PPHLN1: variants seen among roughly 807,000 people sequenced by gnomAD.
The protein encoded by PPHLN1 is periphilin 1.
Under a neutral mutation model 51.3 loss-of-function variants are expected in PPHLN1, and 29 were observed. The ratio of observed to expected loss-of-function variants is 0.57; its 90% CI spans 0.42 to 0.77. The LOEUF is 0.77. Among genes scored for constraint, PPHLN1 ranks in the 30% least tolerant of loss-of-function variants. The pLI is 0.00. For synonymous variants in PPHLN1, 147 were observed against 147.8 expected (o/e 0.99, Z 0.04); for missense variants, 436 against 438.4 (o/e 0.99, Z 0.05).
intron 9 of PPHLN1, among the ~76,000 whole-genome samples, chr12:42,430,811 CT>C (rs919859287): frequency 6.6e-6 from 1 of 151,890 alleles, no homozygotes; most frequent in East Asian, 1.9e-4. Flanking sequence ...TGTGTTATCT[CT>C]TTTTTTTGGA....
intron 9 of PPHLN1, among the ~76,000 whole-genome samples, chr12:42,432,557 G>A (rs1796394): frequency 0.61 from 92,294 of 151,924 alleles, 28,197 homozygotes; most frequent in Admixed American, 0.67. Context: ...TACTTTTCCA[G>A]TGAGATTCTT....
In PPHLN1 at chr12:42,417,942, T is replaced by TG. The variant is rs1491408049; in HGVS notation, c.909+18949dup. Among the ~76,000 whole-genome samples, 11 of 49,460 alleles carry TG rather than the reference T, an allele frequency of 2.2e-4. No individual in the cohort carries two copies. In the East Asian group the frequency reaches 5.8e-3, roughly 26 times the overall value. 32.4% of individuals were successfully genotyped at this position (49,460 alleles called of 152,430 possible). A position where few individuals can be genotyped will look rare whatever the true frequency, so the allele number is the denominator to read the frequency against. Reference sequence around the variant, plus strand: ...CTAGTTTTTTTTTTTGTTTTTTTTTTGTTTTTTTTTTTTTTGAGACAGAGT... The same window carrying TG: ...CTAGTTTTTTTTTTTGTTTTTTTTTTGGTTTTTTTTTTTTTTGAGACAGAGT... On this transcript the variant is annotated intron_variant, in intron 9 of 9. Transcript: ENST00000358314.
intron 5 of PPHLN1, among the ~76,000 whole-genome samples, chr12:42,375,464 A>G (rs1280485998): frequency 6.6e-6 from 1 of 151,852 alleles, no homozygotes; most frequent in Non-Finnish European, 1.5e-5. Context: ...GGTGTGCACC[A>G]CCATGCCCGG....
At chr12:42,388,797 C>T (rs1244950392) in intron 7 of PPHLN1, among the ~76,000 whole-genome samples, 1 of 152,146 alleles carries the variant, frequency 6.6e-6, no homozygotes, top group Non-Finnish European at 1.5e-5. Flanking sequence ...TAAAAATTAG[C>T]CAGATGTGGT....
intron 5 of PPHLN1, 91 bp downstream of exon 5, chr12:42,375,165 AT>A: frequency 1.9e-6 from 2 of 1,059,534 alleles, no homozygotes; most frequent in Non-Finnish European, 2.7e-6. Flanking sequence ...TAAGAGATTT[AT>A]TTTTTAAACT....
At chr12:42,445,366 C>T (rs140357994), downstream of PPHLN1, 2,631 of 492,850 alleles carry the variant, frequency 5.3e-3, 45 homozygotes, top group South Asian at 0.031. Flanking sequence ...CTCACAGGCA[C>T]GTCCCCTCCT....
At chr12:42,446,168 T>TG, downstream of PPHLN1, 1 of 1,607,488 alleles carries the variant, frequency 6.2e-7, no homozygotes, top group Admixed American at 1.7e-5. Context: ...AGACATTACC[T>TG]GGGGGATGCT....
At chr12:42,444,907 C>T (rs2083219532), downstream of PPHLN1, 1 of 595,510 alleles carries the variant, frequency 1.7e-6, no homozygotes, top group Non-Finnish European at 3.0e-6. Flanking sequence ...TGGTGGAAAC[C>T]ACATAACTCC....
intron 9 of PPHLN1, among the ~76,000 whole-genome samples, chr12:42,419,149 C>G (rs149407074): frequency 6.6e-6 from 1 of 152,204 alleles, no homozygotes; most frequent in African/African-American, 2.4e-5. Flanking sequence ...CATCCTTCTG[C>G]CACATTTCCC....
intron 9 of PPHLN1, chr12:42,433,502 T>G (rs1381165108): frequency 4.2e-6 from 1 of 240,696 alleles, no homozygotes; most frequent in Non-Finnish European, 8.1e-6. Context: ...TTTTCTATTT[T>G]TTAGTAGAGA....
chr12:42,389,038 A>C (rs1195375336), intron 7 of PPHLN1, among the ~76,000 whole-genome samples: 1 of 152,144 alleles, frequency 6.6e-6, no homozygotes, highest in African/African-American at 2.4e-5. Flanking sequence ...GGAGGTCGAG[A>C]CCATCCTGGC....
chr12:42,426,612 T>C (rs1354563464), intron 9 of PPHLN1, among the ~76,000 whole-genome samples: 1 of 152,214 alleles, frequency 6.6e-6, no homozygotes, highest in Non-Finnish European at 1.5e-5. Flanking sequence ...TTAATACTTC[T>C]AATTTGCCAG....
At chr12:42,390,081 A>C (rs182117459) in intron 7 of PPHLN1, among the ~76,000 whole-genome samples, 18 of 152,294 alleles carry the variant, frequency 1.2e-4, no homozygotes, top group African/African-American at 3.8e-4. Flanking sequence ...TACATCTGTT[A>C]CCTGCTTTAC....
At chr12:42,356,127 C>T (rs57260154) in intron 4 of PPHLN1, among the ~76,000 whole-genome samples, 1 of 152,094 alleles carries the variant, frequency 6.6e-6, no homozygotes, top group East Asian at 1.9e-4. Flanking sequence ...GTAAAAGGAG[C>T]CTTGTAGAGA....
chr12:42,426,112 G>A (rs891655661), intron 9 of PPHLN1, among the ~76,000 whole-genome samples: 8 of 148,682 alleles, frequency 5.4e-5, no homozygotes, highest in African/African-American at 9.9e-5. Context: ...AATAATCCAC[G>A]TTTCAAATTT....
intron 4 of PPHLN1, among the ~76,000 whole-genome samples, chr12:42,373,929 G>T (rs188895675): frequency 1.4e-4 from 22 of 152,208 alleles, no homozygotes; most frequent in Non-Finnish European, 3.1e-4. Flanking sequence ...TTTACATTTT[G>T]GACTGAAGAG....
chr12:42,415,178 T>C (rs932440649), intron 9 of PPHLN1, among the ~76,000 whole-genome samples: 1 of 152,188 alleles, frequency 6.6e-6, no homozygotes, highest in African/African-American at 2.4e-5. Context: ...TTTTTATTTA[T>C]TTGTATTTTT....
In PPHLN1 at chr12:42,385,036, G is replaced by A. The variant is rs372529661; in HGVS notation, c.568+40G>A. On this transcript the variant is annotated intron_variant, in intron 6 of 9. Coordinates refer to ENST00000358314, the MANE Select transcript of PPHLN1 (RefSeq NM_201439.2). ...AGACTCTGATTTGGGATTGTGAAGG[G>A]GTGGGAGACTTGAACTGATAGCGGT... 1.1e-5 allele frequency: 17 copies of A among 1,541,494 alleles called. No individual in the cohort carries two copies. In the African/African-American group the frequency reaches 2.0e-4, roughly 19 times the overall value.
chr12:42,444,917 CCTCA>C (rs1216850463), downstream of PPHLN1: 1 of 609,458 alleles, frequency 1.6e-6, no homozygotes, highest in African/African-American at 1.9e-5. Context: ...CACATAACTC[CCTCA>C]CTCCATCGAG....
Sources: gnomAD v4.1 joint callset for allele counts (sites outside exome capture counted in the v4.1 genomes callset) on GRCh38, gnomAD v4.1.1 for gene constraint, MANE v1.5 for transcripts, NCBI Gene and HGNC (gene_info 2026-07-23, HGNC 2026-07-21) for gene names.